Variants in XNDC1N observed in about 807,000 individuals in gnomAD.
The protein encoded by XNDC1N is XRCC1 N-terminal domain containing 1, N-terminal like, also known as protein XNDC1N.
chr11:71,918,767 A>G, the XNDC1N span: 3 of 625,806 alleles, frequency 4.8e-6, 1 homozygote, highest in African/African-American at 5.5e-5. Flanking sequence ...CACCCAGGTA[A>G]AACTTATTCC....
the XNDC1N span, among the ~76,000 whole-genome samples, chr11:71,877,497 G>A: frequency 6.6e-6 from 1 of 152,218 alleles, no homozygotes; most frequent in East Asian, 1.9e-4. Context: ...ACTTAGCCAG[G>A]CATGGAGACG....
the XNDC1N span, among the ~76,000 whole-genome samples, chr11:71,887,509 C>T: frequency 6.6e-6 from 1 of 152,002 alleles, no homozygotes; most frequent in East Asian, 2.0e-4. Flanking sequence ...AGAGAGAAGA[C>T]CAGCTCTGGC....
the XNDC1N span, among the ~76,000 whole-genome samples, chr11:71,882,511 G>A: frequency 2.6e-5 from 4 of 152,210 alleles, no homozygotes; most frequent in Admixed American, 1.3e-4. Flanking sequence ...GATTAAAGGT[G>A]CAGGCCACCA....
the XNDC1N span, among the ~76,000 whole-genome samples, chr11:71,919,301 C>T: frequency 1.3e-5 from 2 of 152,190 alleles, no homozygotes; most frequent in South Asian, 2.1e-4. Flanking sequence ...CAGATCAATA[C>T]TGAAGCTGAG....
chr11:71,905,225 G>A, the XNDC1N span, among the ~76,000 whole-genome samples: 1 of 152,004 alleles, frequency 6.6e-6, no homozygotes, highest in Non-Finnish European at 1.5e-5. Context: ...ATCAAAGGGT[G>A]TACACCCCAT....
At chr11:71,890,995 T>C in the XNDC1N span, among the ~76,000 whole-genome samples, 1 of 151,552 alleles carries the variant, frequency 6.6e-6, no homozygotes, top group African/African-American at 2.4e-5. Flanking sequence ...ACTGCCTCTG[T>C]GATGTTGGGA....
At chr11:71,892,806 C>A in the XNDC1N span, among the ~76,000 whole-genome samples, 3 of 152,132 alleles carry the variant, frequency 2.0e-5, no homozygotes, top group Non-Finnish European at 4.4e-5. Flanking sequence ...CAGGTGTGAG[C>A]CATGGTACTG....
chr11:71,882,760 A>G, the XNDC1N span, among the ~76,000 whole-genome samples: 2 of 152,214 alleles, frequency 1.3e-5, no homozygotes, highest in Admixed American at 1.3e-4. Flanking sequence ...ATTAGGCAAG[A>G]AAAGGAAATA....
At chr11:71,890,058 C>T in the XNDC1N span, among the ~76,000 whole-genome samples, 12 of 152,234 alleles carry the variant, frequency 7.9e-5, no homozygotes, top group South Asian at 4.1e-4. Context: ...CTCAGAGTTC[C>T]GGAAAGGTGG....
chr11:71,907,477 CT>C, the XNDC1N span, among the ~76,000 whole-genome samples: 121,675 of 150,422 alleles, frequency 0.81, 51,261 homozygotes, highest in Non-Finnish European at 0.94. Context: ...CTTGCCCCCC[CT>C]GGCTCTTAGG....
the XNDC1N span, among the ~76,000 whole-genome samples, chr11:71,885,918 TATC>T: frequency 7.9e-5 from 12 of 151,274 alleles, no homozygotes; most frequent in East Asian, 9.7e-4. Flanking sequence ...TAATATTAAT[TATC>T]ATTATTATCG....
the XNDC1N span, among the ~76,000 whole-genome samples, chr11:71,911,078 G>A: frequency 5.4e-4 from 82 of 152,378 alleles, no homozygotes; most frequent in African/African-American, 1.9e-3. Flanking sequence ...CTCAACAACT[G>A]GACGGGGTTT....
the XNDC1N span, among the ~76,000 whole-genome samples, chr11:71,891,823 C>T: frequency 6.6e-6 from 1 of 151,974 alleles, no homozygotes; most frequent in African/African-American, 2.4e-5. Context: ...ACACCCCCCA[C>T]GATGACGGGA....
chr11:71,871,409 T>C, the XNDC1N span, among the ~76,000 whole-genome samples: 1 of 152,130 alleles, frequency 6.6e-6, no homozygotes, highest in African/African-American at 2.4e-5. Flanking sequence ...GGTCAAACAG[T>C]ACAAAGCCTC....
chr11:71,885,133 T>C, the XNDC1N span, among the ~76,000 whole-genome samples: 1 of 150,934 alleles, frequency 6.6e-6, no homozygotes, highest in Non-Finnish European at 1.5e-5. Flanking sequence ...CCCGTCTGTA[T>C]TGGGTGTCAT....
the XNDC1N span, among the ~76,000 whole-genome samples, chr11:71,866,116 A>T: frequency 6.7e-6 from 1 of 149,798 alleles, no homozygotes; most frequent in Non-Finnish European, 1.5e-5. Flanking sequence ...ATGTCTCTTT[A>T]TCTGAAAGAT....
At chr11:71,891,967 C>T in the XNDC1N span, among the ~76,000 whole-genome samples, 5 of 151,812 alleles carry the variant, frequency 3.3e-5, no homozygotes, top group South Asian at 2.1e-4. Flanking sequence ...AACAATATCC[C>T]GGCGGGAGGT....
chr11:71,914,579 C>T, the XNDC1N span, among the ~76,000 whole-genome samples: 2 of 151,676 alleles, frequency 1.3e-5, no homozygotes, highest in South Asian at 2.1e-4. Context: ...CCCAGCTACT[C>T]GGGAGGCTGA....
the XNDC1N span, among the ~76,000 whole-genome samples, chr11:71,924,921 A>G: frequency 6.6e-6 from 1 of 151,988 alleles, no homozygotes; most frequent in Non-Finnish European, 1.5e-5. Context: ...TTTACTACCC[A>G]TCTGGCTCCT....
Sources: gnomAD v4.1 joint callset for allele counts (sites outside exome capture counted in the v4.1 genomes callset) on GRCh38, gnomAD v4.1.1 for gene constraint, MANE v1.5 for transcripts, NCBI Gene and HGNC (gene_info 2026-07-23, HGNC 2026-07-21) for gene names.